The following RBFOX2 variants were observed in gnomAD, a reference collection of about 807,000 sequenced individuals.
RBFOX2 encodes the protein RNA binding fox-1 homolog 2, also known as RNA binding protein fox-1 homolog 2.
A neutral mutation model predicts 49.1 loss-of-function variants in RBFOX2; 10 were observed. That is an observed-to-expected ratio of 0.20 (90% CI 0.13 to 0.35). RBFOX2 has a LOEUF of 0.35. Ranked by LOEUF, RBFOX2 falls within the 10% of genes least tolerant of loss-of-function variation. The pLI is 1.00. For synonymous variants in RBFOX2, 183 were observed against 187.4 expected, an observed-to-expected ratio of 0.98 and a Z score of 0.19; for missense variants, 323 against 486.9, an observed-to-expected ratio of 0.66 and a Z score of 3.17.
chr22:35,990,806 G>C (rs1390683747), intron 1 of RBFOX2, among the ~76,000 whole-genome samples: 1 of 152,190 alleles, frequency 6.6e-6, no homozygotes, highest in Non-Finnish European at 1.5e-5. Flanking sequence ...ATAAATGACA[G>C]TACTGCATAA....
intron 1 of RBFOX2, among the ~76,000 whole-genome samples, chr22:35,825,842 G>A (rs1955560995): frequency 1.3e-5 from 2 of 151,866 alleles, no homozygotes; most frequent in Admixed American, 6.6e-5. Flanking sequence ...TTAGCTGAGC[G>A]TGGTGGCAGG....
At chr22:35,852,983 C>T (rs1261530008) in intron 1 of RBFOX2, among the ~76,000 whole-genome samples, 5 of 151,944 alleles carry the variant, frequency 3.3e-5, no homozygotes, top group Admixed American at 6.6e-5. Context: ...TGAAAAGATA[C>T]GACTGATGCA....
At chr22:35,854,653 G>A (rs149144794) in intron 1 of RBFOX2, among the ~76,000 whole-genome samples, 5 of 151,782 alleles carry the variant, frequency 3.3e-5, no homozygotes, top group African/African-American at 1.2e-4. Context: ...TTAGATATAT[G>A]ATTAAGATAT....
At chr22:35,821,733 G>A (rs1954553876) in intron 1 of RBFOX2, 2 of 518,080 alleles carry the variant, frequency 3.9e-6, no homozygotes, top group Admixed American at 3.9e-5. Flanking sequence ...GCTGCCATTA[G>A]GGATTACTGA....
At chr22:35,981,681 T>C (rs973227246) in intron 1 of RBFOX2, among the ~76,000 whole-genome samples, 1 of 151,714 alleles carries the variant, frequency 6.6e-6, no homozygotes, top group Non-Finnish European at 1.5e-5. Context: ...TTTAAAAATA[T>C]AAGCATTCAC....
intron 4 of RBFOX2, among the ~76,000 whole-genome samples, chr22:35,769,125 G>A (rs1400818365): frequency 6.6e-6 from 1 of 152,038 alleles, no homozygotes; most frequent in Non-Finnish European, 1.5e-5. Flanking sequence ...ACCCAAATTT[G>A]CCTAAATTAT....
chr22:35,958,360 C>T lies in RBFOX2; in HGVS notation c.42+3203G>A, dbSNP rs139533428. On this transcript the variant is annotated intron_variant, in intron 1 of 5. Coordinates refer to the RBFOX2 transcript ENST00000408983. ...AAGTTTAGGCACAAGGTATACAAAG[C>T]ACCTGAAAGTATACCTACCCCATAG... is the stretch of plus-strand genomic sequence containing the variant. Among the ~76,000 whole-genome samples the T allele has an allele frequency of 6.4e-4, 98 of 152,310 alleles. 2 individuals are homozygous for T. Among genetic ancestry groups the T allele is most frequent in the Admixed American group, 6.1e-3 (93 of 15,300 alleles).
chr22:35,916,197 T>C (rs997616085), intron 1 of RBFOX2, among the ~76,000 whole-genome samples: 8 of 152,226 alleles, frequency 5.3e-5, no homozygotes, highest in Non-Finnish European at 1.0e-4. Context: ...TCCAGCTCTG[T>C]GACTTGCTCT....
At chr22:35,823,448 G>C (rs1954967768) in intron 1 of RBFOX2, among the ~76,000 whole-genome samples, 1 of 152,126 alleles carries the variant, frequency 6.6e-6, no homozygotes, top group East Asian at 1.9e-4. Flanking sequence ...GTATATTAGT[G>C]CTACATTTCA....
chr22:35,995,774 A>C (rs1569520701), intron 1 of RBFOX2: 1 of 153,176 alleles, frequency 6.5e-6, no homozygotes, highest in Non-Finnish European at 1.5e-5. Context: ...GAGTCAATTA[A>C]ATCTCTTTTC....
chr22:35,957,937 A>C (rs2055770175), intron 1 of RBFOX2, among the ~76,000 whole-genome samples: 1 of 152,190 alleles, frequency 6.6e-6, no homozygotes, highest in Non-Finnish European at 1.5e-5. Context: ...TAAACTGAAG[A>C]CTTCACAAGC....
intron 2 of RBFOX2, among the ~76,000 whole-genome samples, chr22:35,792,044 T>C (rs1947786152): frequency 6.6e-6 from 1 of 151,992 alleles, no homozygotes. Context: ...TTGCTGGGTG[T>C]GGAGGCTCAC....
At chr22:35,911,194 C>T (rs1276787628) in intron 1 of RBFOX2, among the ~76,000 whole-genome samples, 1 of 152,076 alleles carries the variant, frequency 6.6e-6, no homozygotes, top group East Asian at 1.9e-4. Flanking sequence ...TCTTTATCTC[C>T]CCCAGGTACT....
intron 4 of RBFOX2, among the ~76,000 whole-genome samples, chr22:35,775,211 C>T (rs1465825152): frequency 6.6e-6 from 1 of 152,166 alleles, no homozygotes; most frequent in South Asian, 2.1e-4. Context: ...AAATAAATCT[C>T]TATTAGGAGC....
intron 1 of RBFOX2, among the ~76,000 whole-genome samples, chr22:35,981,885 G>A (rs1188948960): frequency 1.3e-5 from 2 of 152,108 alleles, no homozygotes; most frequent in East Asian, 1.9e-4. Flanking sequence ...TGTATACCCT[G>A]TAACGCACAA....
At chr22:35,772,462 T>TG (rs1942942786) in intron 4 of RBFOX2, among the ~76,000 whole-genome samples, 1 of 152,158 alleles carries the variant, frequency 6.6e-6, no homozygotes, top group Non-Finnish European at 1.5e-5. Flanking sequence ...ATTCTTTTTT[T>TG]GTGCTAATTC....
At chr22:35,846,264 AT>A (rs2041184360) in intron 1 of RBFOX2, among the ~76,000 whole-genome samples, 1 of 149,722 alleles carries the variant, frequency 6.7e-6, no homozygotes, top group African/African-American at 2.4e-5. Flanking sequence ...AGTATAAACT[AT>A]ATAAGTTAAT....
chr22:35,746,859 TCTTA>T (rs1932916208), intron 9 of RBFOX2: 1 of 276,678 alleles, frequency 3.6e-6, no homozygotes, highest in African/African-American at 2.2e-5. Flanking sequence ...TTTGAATCTG[TCTTA>T]CTTCACAGTC....
chr22:35,746,052 T>A, intron 10 of RBFOX2, 57 bp from the exon 13 acceptor site: 1 of 1,447,578 alleles, frequency 6.9e-7, no homozygotes, highest in Non-Finnish European at 9.7e-7. Flanking sequence ...CTAAAAAAAT[T>A]AAAGGGATTA....
Sources: allele counts gnomAD v4.1 joint callset (sites outside exome capture counted in the v4.1 genomes callset), GRCh38; gene constraint gnomAD v4.1.1; transcripts MANE v1.5; gene names NCBI Gene and HGNC (gene_info 2026-07-23, HGNC 2026-07-21).